MTHFD2L: variants seen among roughly 807,000 people sequenced by gnomAD.
MTHFD2L encodes bifunctional methylenetetrahydrofolate dehydrogenase/cyclohydrolase 2, mitochondrial.
A neutral mutation model predicts 34.9 loss-of-function variants in MTHFD2L; 29 were observed. The ratio of observed to expected loss-of-function variants is 0.83; its 90% confidence interval spans 0.62 to 1.13. The LOEUF is 1.13. Among genes scored for constraint, MTHFD2L ranks in the 50% most tolerant of loss-of-function variants. The pLI, the probability that MTHFD2L is intolerant of heterozygous loss-of-function variation, is 0.00. For synonymous variants in MTHFD2L, 167 were observed against 155.7 expected (o/e 1.07, Z -0.54); for missense variants, 481 against 446.5 (o/e 1.08, Z -0.70).
chr4:74,293,156 G>T (rs1487828362), intron 7 of MTHFD2L, among the ~76,000 whole-genome samples: 1 of 151,988 alleles, frequency 6.6e-6, no homozygotes, highest in African/African-American at 2.4e-5. Context: ...TCAACCCATT[G>T]TCTACATTAA....
At chr4:74,246,971 T>C (rs1485952696) in intron 6 of MTHFD2L, among the ~76,000 whole-genome samples, 5 of 152,108 alleles carry the variant, frequency 3.3e-5, no homozygotes, top group Non-Finnish European at 7.4e-5. Flanking sequence ...GCCTCTTTTT[T>C]GGTTCCATAT....
chr4:74,157,941 C>A, upstream of MTHFD2L: 2 of 856,104 alleles, frequency 2.3e-6, no homozygotes, highest in Non-Finnish European at 3.8e-6. Flanking sequence ...CCGCCCCCTG[C>A]GGACCCGGCA....
intron 1 of MTHFD2L, chr4:74,165,065 A>C (rs1726370761): frequency 4.0e-5 from 34 of 851,392 alleles, no homozygotes; most frequent in Non-Finnish European, 4.8e-5. Context: ...CCAAACTAGC[A>C]CATTTTTTAG....
intron 6 of MTHFD2L, among the ~76,000 whole-genome samples, chr4:74,236,245 T>C (rs1740818563): frequency 6.6e-6 from 1 of 152,176 alleles, no homozygotes; most frequent in South Asian, 2.1e-4. Flanking sequence ...AACAGCCTGG[T>C]TTTAGTAACT....
intron 5 of MTHFD2L, among the ~76,000 whole-genome samples, chr4:74,203,895 CA>C (rs1734862606): frequency 5.0e-5 from 1 of 20,136 alleles, no homozygotes; most frequent in Admixed American, 1.1e-3. Flanking sequence ...AGCCAATTTG[CA>C]GTTTTTTTTT....
At chr4:74,128,097 T>C (rs1343324337) in intron 1 of MTHFD2L, among the ~76,000 whole-genome samples, 1 of 152,140 alleles carries the variant, frequency 6.6e-6, no homozygotes, top group Non-Finnish European at 1.5e-5. Context: ...AATCAGATTA[T>C]TTTGTTTTGC....
intron 7 of MTHFD2L, among the ~76,000 whole-genome samples, chr4:74,288,064 A>G (rs560166425): frequency 1.3e-4 from 20 of 152,298 alleles, no homozygotes; most frequent in Admixed American, 3.3e-4. Flanking sequence ...GTCCATGTCC[A>G]AATTTCCTCT....
At chr4:74,259,863 C>A (rs1014227430) in intron 6 of MTHFD2L, among the ~76,000 whole-genome samples, 4 of 152,242 alleles carry the variant, frequency 2.6e-5, no homozygotes, top group East Asian at 1.9e-4. Context: ...AGCCATTAAT[C>A]CCCTAAGGTA....
chr4:74,276,292 T>C (rs939831266), intron 6 of MTHFD2L, among the ~76,000 whole-genome samples: 2 of 152,164 alleles, frequency 1.3e-5, no homozygotes, highest in Non-Finnish European at 2.9e-5. Flanking sequence ...AAGAGTTTCC[T>C]GGAGTAAGAA....
At chr4:74,220,761 A>G (rs1290446873) in intron 5 of MTHFD2L, among the ~76,000 whole-genome samples, 1 of 151,480 alleles carries the variant, frequency 6.6e-6, no homozygotes, top group Non-Finnish European at 1.5e-5. Flanking sequence ...TTACATCTGT[A>G]TATTTTATTT....
intron 7 of MTHFD2L, among the ~76,000 whole-genome samples, chr4:74,286,719 G>A (rs9684145): frequency 0.17 from 25,452 of 152,090 alleles, 2,213 homozygotes; most frequent in African/African-American, 0.19. Flanking sequence ...CCCTTTTGAA[G>A]CTTTAGTAGC....
At position 74,130,445 on chromosome 4, in the gene MTHFD2L, AT is replaced by A. The variant is rs1200520330; in HGVS notation, c.-297+4929del. Among the ~76,000 whole-genome samples the A allele has an allele frequency of 5.9e-5, 9 of 152,348 alleles. No homozygotes were observed. In the South Asian group the frequency reaches 1.0e-3, roughly 18 times the overall value. On this transcript the variant is annotated intron_variant, in intron 1 of 7. Transcript: ENST00000433372. ...AGGCTGGTTCAAGATATGCAAAAAA[AT>A]AAATGTAATTCATCACATAAACAGA...
At chr4:74,115,487 G>C (rs1355405612) in intron 2 of MTHFD2L, among the ~76,000 whole-genome samples, 1 of 152,210 alleles carries the variant, frequency 6.6e-6, no homozygotes, top group Non-Finnish European at 1.5e-5. Flanking sequence ...ACACTAGTTT[G>C]TATGAACAAT....
intron 6 of MTHFD2L, among the ~76,000 whole-genome samples, chr4:74,270,889 T>C (rs1426546257): frequency 6.6e-6 from 1 of 152,034 alleles, no homozygotes; most frequent in African/African-American, 2.4e-5. Flanking sequence ...GGTATCTCAT[T>C]GTGGTTTTGA....
intron 6 of MTHFD2L, among the ~76,000 whole-genome samples, chr4:74,256,767 G>A (rs1250644795): frequency 1.3e-5 from 2 of 152,176 alleles, no homozygotes; most frequent in African/African-American, 4.8e-5. Context: ...TATATGTGCA[G>A]TTTTATTTCT....
intron 7 of MTHFD2L, among the ~76,000 whole-genome samples, chr4:74,295,353 A>G (rs1419618677): frequency 6.6e-6 from 1 of 152,052 alleles, no homozygotes; most frequent in African/African-American, 2.4e-5. Flanking sequence ...TTCCCTGCTC[A>G]GGTGTCCATC....
intron 1 of MTHFD2L, chr4:74,161,321 C>G (rs574733742): frequency 6.6e-6 from 1 of 152,184 alleles, no homozygotes. Flanking sequence ...ACTCTTCCCT[C>G]TACTACTTAC....
chr4:74,288,768 T>G (rs1009940193), intron 7 of MTHFD2L, among the ~76,000 whole-genome samples: 1 of 152,170 alleles, frequency 6.6e-6, no homozygotes, highest in Non-Finnish European at 1.5e-5. Flanking sequence ...ATACACAGAT[T>G]TGCAATAACA....
chr4:74,291,795 C>T (rs1748999463), intron 7 of MTHFD2L, among the ~76,000 whole-genome samples: 1 of 152,112 alleles, frequency 6.6e-6, no homozygotes, highest in Admixed American at 6.6e-5. Flanking sequence ...ATCATTTTTA[C>T]AAAACTATTA....
Sources: allele counts gnomAD v4.1 joint callset (sites outside exome capture counted in the v4.1 genomes callset), GRCh38; gene constraint gnomAD v4.1.1; transcripts MANE v1.5; gene names NCBI Gene and HGNC (gene_info 2026-07-23, HGNC 2026-07-21).